The following COPZ2 variants were observed in gnomAD, a reference collection of about 807,000 sequenced individuals.
COPZ2 encodes the protein coatomer subunit zeta-2.
A neutral mutation model predicts 33.2 loss-of-function variants in COPZ2; 30 were observed. That is an observed-to-expected ratio of 0.90 (90% CI 0.68 to 1.23). The LOEUF is 1.23. Among genes scored for constraint, COPZ2 ranks in the 50% most tolerant of loss-of-function variants. The probability of loss-of-function intolerance (pLI) is 0.00; values close to 1 mark genes in which losing one functional copy is unlikely to be tolerated. For synonymous variants in COPZ2, 89 were observed against 102.6 expected (o/e 0.87, Z 0.80); for missense variants, 263 against 262.4 (o/e 1.00, Z -0.02).
At chr17:48,043,609 C>T in the COPZ2 span, 1 of 975,074 alleles carries the variant, frequency 1.0e-6, no homozygotes, top group Non-Finnish European at 1.2e-6. Flanking sequence ...TTCTTCATCG[C>T]CTTTGGCTTT....
chr17:48,044,111 C>G, the COPZ2 span, among the ~76,000 whole-genome samples: 1 of 152,342 alleles, frequency 6.6e-6, no homozygotes, highest in Non-Finnish European at 1.5e-5. Context: ...CTTTGGGAGG[C>G]TGAGGTGGGC....
Position 48,036,903 on chromosome 17 carries a change from G to A in COPZ2, c.134C>T (p.Thr45Ile), listed in dbSNP as rs757700556. ...GLRLQEPSLY[T>I]IKAVFILDND... The stretch of plus-strand genomic sequence containing the variant: ...ATCTAGGATGAAAACAGCCTTGATG[G>A]TGTAGAGGGAAGGTTCCTGCAACTG... The change falls in exon 2 of 9, where the codon ACC (threonine) becomes ATC (isoleucine). Residue 45 changes from threonine (T) to isoleucine (I), a missense_variant. Physicochemically the swap from Thr to Ile is moderately conservative, Grantham distance 89. Transcript: ENST00000621465. 9 of 1,613,876 alleles carry A rather than the reference G, an allele frequency of 5.6e-6. No individual in the cohort carries two copies. Among genetic ancestry groups the A allele is most frequent in the Non-Finnish European group, 5.1e-6 (6 of 1,179,882 alleles).
In COPZ2 at chr17:48,029,176, A is replaced by C. The variant is rs188355259; in HGVS notation, c.495T>G (p.Gly165=). 7 of 1,573,044 alleles carry C rather than the reference A, an allele frequency of 4.4e-6. No individual in the cohort carries two copies. The East Asian group carries it at 1.4e-4, about 32-fold the overall frequency. Residue 165 remains glycine (G), a splice_region_variant and synonymous_variant, in exon 7 of 9, where the codon GGT becomes GGG. Coordinates refer to ENST00000621465, the MANE Select transcript of COPZ2 (RefSeq NM_016429.4). ...FLVLDEIVDG[G]VILESDPQQV... ...GCTGGGGGTCACTCTCCAGAATCACACTACAAGATGAGAGGAAAAACCAGG... is the reference window on the plus strand; with the variant it reads ...GCTGGGGGTCACTCTCCAGAATCACCCTACAAGATGAGAGGAAAAACCAGG...
upstream of COPZ2, among the ~76,000 whole-genome samples, chr17:48,042,650 C>T (rs777803003): frequency 9.9e-5 from 15 of 151,660 alleles, no homozygotes; most frequent in African/African-American, 3.6e-4. Context: ...TTAGTAGAGA[C>T]GGGGTTTCAC....
chr17:48,041,313 C>T (rs187816130), upstream of COPZ2, among the ~76,000 whole-genome samples: 57 of 152,162 alleles, frequency 3.7e-4, no homozygotes, highest in African/African-American at 9.9e-4. Flanking sequence ...TATGTACATG[C>T]GTGCGTTTCT....
chr17:48,028,593 G>T lies in COPZ2; in HGVS notation c.547-83C>A. 2 of 1,331,378 alleles carry T rather than the reference G, an allele frequency of 1.5e-6. No homozygotes were observed. The highest frequency in any genetic ancestry group is 2.1e-6 in the Non-Finnish European group (2 of 949,504). The allele number at this position is 1,331,378 out of a possible 1,614,324, so 82.5% of individuals were successfully genotyped here. Reference sequence around the variant, plus strand: ...GGAGGTGAAGGAAAGGGGCTTGGGGGTATGGGTGAGGTGGTGCAGTGGTTA... The same window carrying T: ...GGAGGTGAAGGAAAGGGGCTTGGGGTTATGGGTGAGGTGGTGCAGTGGTTA... On this transcript the variant is annotated intron_variant, in intron 7 of 8. Coordinates refer to ENST00000621465, the MANE Select transcript of COPZ2 (RefSeq NM_016429.4). This position sits in a 1 kb window ranked among gnomAD's most constrained non-coding sequence, Gnocchi z 4.5.
chr17:48,044,613 G>A, the COPZ2 span, among the ~76,000 whole-genome samples: 1 of 152,162 alleles, frequency 6.6e-6, no homozygotes, highest in Non-Finnish European at 1.5e-5. Context: ...ATTCTAATAT[G>A]CAGCCAGGAT....
At chr17:48,034,325 C>T (rs769298473) in intron 2 of COPZ2, among the ~76,000 whole-genome samples, 2 of 152,132 alleles carry the variant, frequency 1.3e-5, no homozygotes, top group Non-Finnish European at 2.9e-5. Flanking sequence ...AGGCTGGTCT[C>T]GAACTCCCGA....
intron 3 of COPZ2, 43 bp downstream of exon 3, chr17:48,033,820 G>A: frequency 1.4e-6 from 2 of 1,392,256 alleles, no homozygotes; most frequent in East Asian, 2.3e-5. Flanking sequence ...GAAGATGACA[G>A]TGTGCATCTG....
Position 48,026,227 on chromosome 17 carries a change from G to A in COPZ2, c.*201C>T, listed in dbSNP as rs1000371576. ...GGGGCCAGGAATGCCTAAGATATGA[G>A]TTAAGGCCAGGGCCGTGAGAAAAGG... is the stretch of plus-strand genomic sequence containing the variant. On this transcript the variant is annotated 3_prime_UTR_variant, in exon 9 of 9. Coordinates refer to ENST00000621465, the MANE Select transcript of COPZ2 (RefSeq NM_016429.4). 2 of 573,492 alleles carry A rather than the reference G, an allele frequency of 3.5e-6. No individual in the cohort carries two copies. Among genetic ancestry groups the A allele is most frequent in the South Asian group, 2.3e-5 (1 of 43,848 alleles). 35.5% of individuals were successfully genotyped at this position (573,492 alleles called of 1,614,324 possible). A position where few individuals can be genotyped will look rare whatever the true frequency, so the allele number is the denominator to read the frequency against.
At chr17:48,033,375 ACT>A (rs1362900974) in intron 3 of COPZ2, 73 bp from the exon 4 acceptor site, 11 of 807,908 alleles carry the variant, frequency 1.4e-5, no homozygotes, top group Non-Finnish European at 2.4e-5. Flanking sequence ...CTCATGTATG[ACT>A]CTGTGACTCT....
chr17:48,029,804 AGTAAAAGTACAAAAATCAG>A (rs1415793514), intron 6 of COPZ2, among the ~76,000 whole-genome samples: 1 of 151,472 alleles, frequency 6.6e-6, no homozygotes, highest in Non-Finnish European at 1.5e-5. Flanking sequence ...CCCTGTCTCT[AGTAAAAGTACAAAAATCAG>A]CCAGGCATGG....
At chr17:48,030,782 G>GCATCCTCCTTTGCACAGC (rs1226747825) in intron 6 of COPZ2, among the ~76,000 whole-genome samples, 9 of 152,210 alleles carry the variant, frequency 5.9e-5, no homozygotes, top group Non-Finnish European at 1.3e-4. Flanking sequence ...TACACCTCAG[G>GCATCCTCCTTTGCACAGC]CATCCTCCTT....
At position 48,026,489 on chromosome 17, in the gene COPZ2, G is replaced by C. The variant is rs1330234061; in HGVS notation, c.586-14C>G. 1.2e-5 allele frequency: 19 copies of C among 1,599,928 alleles called. No homozygotes were observed. The highest frequency in any genetic ancestry group is 1.6e-5 in the Non-Finnish European group (19 of 1,167,648). ...AGACTGAAGAACCTGGGGTGGGGTG[G>C]GGGAGGTTGAGAGAGAATTGAGAAT... is the stretch of plus-strand genomic sequence containing the variant. On this transcript the variant is annotated splice_polypyrimidine_tract_variant and intron_variant, in intron 8 of 8. Coordinates refer to ENST00000621465, the MANE Select transcript of COPZ2 (RefSeq NM_016429.4).
chr17:48,043,378 G>A, the COPZ2 span, among the ~76,000 whole-genome samples: 1 of 152,036 alleles, frequency 6.6e-6, no homozygotes, highest in Non-Finnish European at 1.5e-5. Flanking sequence ...TGTGCTGTCT[G>A]TCCTAGGATT....
intron 2 of COPZ2, among the ~76,000 whole-genome samples, chr17:48,036,601 C>A (rs1325983147): frequency 6.6e-6 from 1 of 152,244 alleles, no homozygotes; most frequent in East Asian, 1.9e-4. Flanking sequence ...TAGGCAGAAC[C>A]TTCCCATGCC....
chr17:48,041,188 G>C (rs2037058683), upstream of COPZ2, among the ~76,000 whole-genome samples: 1 of 148,968 alleles, frequency 6.7e-6, no homozygotes, highest in South Asian at 2.1e-4. Flanking sequence ...TTTATGTGCT[G>C]TACAAATATT....
In COPZ2 at chr17:48,032,561, G is replaced by A. The variant is rs539781910; in HGVS notation, c.416+125C>T. Reference sequence around the variant, plus strand: ...CCTACTTTCGTTCATTGTGTCGACTGTGAACTTTTCTTTTTGGATTATCTT... The same window carrying A: ...CCTACTTTCGTTCATTGTGTCGACTATGAACTTTTCTTTTTGGATTATCTT... On this transcript the variant is annotated intron_variant, in intron 5 of 8. Transcript: ENST00000621465. 4 of 819,412 alleles carry A rather than the reference G, an allele frequency of 4.9e-6. No individual in the cohort carries two copies. The South Asian group carries it at 6.6e-5, about 14-fold the overall frequency. The allele number at this position is 819,412 out of a possible 1,614,324, so 50.8% of individuals were successfully genotyped here.
At chr17:48,044,657 G>A in the COPZ2 span, among the ~76,000 whole-genome samples, 1 of 152,134 alleles carries the variant, frequency 6.6e-6, no homozygotes, top group South Asian at 2.1e-4. Flanking sequence ...TGGTAGTGGT[G>A]CATAGGAAAG....
Sources: allele counts gnomAD v4.1 joint callset (sites outside exome capture counted in the v4.1 genomes callset), GRCh38; gene constraint gnomAD v4.1.1; non-coding constraint Gnocchi (gnomAD v3.1); transcripts MANE v1.5; gene names NCBI Gene and HGNC (gene_info 2026-07-23, HGNC 2026-07-21).